Variants in GABRB1 observed in about 807,000 individuals in gnomAD.
The protein encoded by GABRB1 is gamma-aminobutyric acid type A receptor subunit beta1.
A neutral mutation model predicts 51.6 loss-of-function variants in GABRB1; 17 were observed. That is an observed-to-expected ratio of 0.33 (90% CI 0.23 to 0.49). GABRB1 has a LOEUF of 0.49. Ranked by LOEUF, GABRB1 falls within the 20% of genes least tolerant of loss-of-function variation. The pLI is 0.99. For synonymous variants in GABRB1, 247 were observed against 218.9 expected (o/e 1.13, Z -1.14); for missense variants, 410 against 600.6 (o/e 0.68, Z 3.32).
chr4:47,389,784 T>C (rs1469984947), intron 5 of GABRB1, among the ~76,000 whole-genome samples: 1 of 152,188 alleles, frequency 6.6e-6, no homozygotes, highest in Non-Finnish European at 1.5e-5. Context: ...ATCCAATAAC[T>C]CTGTAGTGTA....
intron 1 of GABRB1, among the ~76,000 whole-genome samples, chr4:46,997,080 CTT>C (rs921891993): frequency 3.9e-5 from 6 of 152,078 alleles, no homozygotes; most frequent in African/African-American, 1.4e-4. Flanking sequence ...TTAATAGTCT[CTT>C]AGTTAATGCC....
rs748771662 is a variant in GABRB1, at chr4:47,034,090, A to G, written c.240+1606A>G. 2.0e-5 allele frequency among the ~76,000 whole-genome samples: 3 copies of G among 152,206 alleles called. No individual in the cohort carries two copies. The South Asian group carries it at 6.2e-4, about 32-fold the overall frequency. ...AATAATGTTAATATTTTTCCTTTTC[A>G]ATCATTTCCTTTGGTATCTTGTAAG... On this transcript the variant is annotated intron_variant, in intron 3 of 8. Coordinates refer to ENST00000295454, the MANE Select transcript of GABRB1 (RefSeq NM_000812.4).
intron 3 of GABRB1, among the ~76,000 whole-genome samples, chr4:47,042,647 G>T (rs1725907536): frequency 6.6e-6 from 1 of 151,120 alleles, no homozygotes; most frequent in Non-Finnish European, 1.5e-5. Flanking sequence ...TTAAAAAGAA[G>T]AAAAATCAAA....
intron 3 of GABRB1, among the ~76,000 whole-genome samples, chr4:47,121,010 C>A (rs1715752789): frequency 6.6e-6 from 1 of 152,136 alleles, no homozygotes; most frequent in South Asian, 2.1e-4. Context: ...GGCTCTGAGC[C>A]CAGGACAGCA....
At chr4:47,205,610 T>C (rs1720084697) in intron 4 of GABRB1, among the ~76,000 whole-genome samples, 1 of 152,156 alleles carries the variant, frequency 6.6e-6, no homozygotes, top group Non-Finnish European at 1.5e-5. Flanking sequence ...GCTCTCAGAT[T>C]TTGGTATTGC....
chr4:47,288,243 CTATTATTATTAT>C (rs34976412), intron 4 of GABRB1, among the ~76,000 whole-genome samples: 2 of 148,184 alleles, frequency 1.3e-5, no homozygotes, highest in African/African-American at 5.0e-5. Flanking sequence ...GGGCTTATTA[CTATTATTATTAT>C]TATTATTATT....
intron 8 of GABRB1, among the ~76,000 whole-genome samples, chr4:47,421,305 T>C: frequency 6.6e-6 from 1 of 152,108 alleles, no homozygotes; most frequent in East Asian, 1.9e-4. Flanking sequence ...TAATAAAATG[T>C]ACCTTGTTAA....
intron 4 of GABRB1, among the ~76,000 whole-genome samples, chr4:47,229,932 G>A (rs1323369407): frequency 6.6e-6 from 1 of 152,106 alleles, no homozygotes; most frequent in Non-Finnish European, 1.5e-5. Flanking sequence ...CAAATGATAA[G>A]AAAATGTTGT....
intron 4 of GABRB1, among the ~76,000 whole-genome samples, chr4:47,251,840 C>T (rs1387946170): frequency 1.3e-5 from 2 of 152,104 alleles, no homozygotes; most frequent in Non-Finnish European, 2.9e-5. Context: ...CCTGCTGTGC[C>T]CCACCTAACA....
At chr4:47,395,634 A>G (rs1055077326) in intron 5 of GABRB1, among the ~76,000 whole-genome samples, 1 of 152,254 alleles carries the variant, frequency 6.6e-6, no homozygotes, top group Non-Finnish European at 1.5e-5. Context: ...GAAAATACAT[A>G]GGATGCCAAG....
At chr4:47,173,197 A>G (rs990410617) in intron 4 of GABRB1, among the ~76,000 whole-genome samples, 1 of 152,198 alleles carries the variant, frequency 6.6e-6, no homozygotes, top group Non-Finnish European at 1.5e-5. Flanking sequence ...TTTAAACACC[A>G]AAGGATTATT....
intron 4 of GABRB1, among the ~76,000 whole-genome samples, chr4:47,206,786 T>C (rs1351399776): frequency 5.3e-5 from 8 of 151,734 alleles, no homozygotes. Flanking sequence ...CACATTTTTG[T>C]ACAGCTAGAG....
At chr4:47,344,879 C>T (rs1287868268) in intron 5 of GABRB1, among the ~76,000 whole-genome samples, 5 of 152,062 alleles carry the variant, frequency 3.3e-5, no homozygotes, top group Admixed American at 6.6e-5. Flanking sequence ...TGCACCACCA[C>T]GCCCAGCTAA....
intron 3 of GABRB1, among the ~76,000 whole-genome samples, chr4:47,061,189 C>G (rs2109527637): frequency 6.6e-6 from 1 of 152,202 alleles, no homozygotes; most frequent in East Asian, 1.9e-4. Flanking sequence ...TGTCAGGTTT[C>G]CCAGGTAAAA....
chr4:47,196,421 C>A (rs1231421324), intron 4 of GABRB1, among the ~76,000 whole-genome samples: 1 of 152,176 alleles, frequency 6.6e-6, no homozygotes, highest in East Asian at 1.9e-4. Flanking sequence ...CTGGATAGAT[C>A]CAATCTGGAA....
chr4:47,110,000 G>GTGA, intron 3 of GABRB1, among the ~76,000 whole-genome samples: 1 of 152,176 alleles, frequency 6.6e-6, no homozygotes, highest in East Asian at 1.9e-4. Context: ...AGCCAATGGG[G>GTGA]TGATATTAAG....
intron 4 of GABRB1, among the ~76,000 whole-genome samples, chr4:47,187,081 T>C (rs746061101): frequency 1.3e-5 from 2 of 151,914 alleles, no homozygotes; most frequent in Non-Finnish European, 2.9e-5. Context: ...AGGATTGTGA[T>C]TCCAGTGCTT....
chr4:47,007,272 T>C lies in GABRB1; in HGVS notation c.-20+13346T>C, dbSNP rs530345634. ...AAGGATGCTTTATCTGTAAAATGTA[T>C]TATTAAAGAGAGATATTTCAAAGTG... On this transcript the variant is annotated intron_variant, in intron 1 of 3. Coordinates refer to the GABRB1 transcript ENST00000513567. Among the ~76,000 whole-genome samples, 4 of 152,348 alleles carry C rather than the reference T, an allele frequency of 2.6e-5. No individual in the cohort carries two copies. The South Asian group carries it at 8.3e-4, about 32-fold the overall frequency.
At chr4:47,002,123 T>C (rs1201676672) in intron 1 of GABRB1, among the ~76,000 whole-genome samples, 1 of 152,232 alleles carries the variant, frequency 6.6e-6, no homozygotes, top group South Asian at 2.1e-4. Context: ...AGTCAAACAA[T>C]GCATTCTCAC....
Sources: allele counts gnomAD v4.1 joint callset (sites outside exome capture counted in the v4.1 genomes callset), GRCh38; gene constraint gnomAD v4.1.1; transcripts MANE v1.5; gene names NCBI Gene and HGNC (gene_info 2026-07-23, HGNC 2026-07-21).